Variants in MLLT3 observed in about 807,000 individuals in gnomAD.
MLLT3 encodes the protein protein AF-9.
MLLT3 carries 4 observed loss-of-function variants against 53.2 expected under a neutral mutation model. The ratio of observed to expected loss-of-function variants is 0.08; its 90% CI spans 0.04 to 0.17. The LOEUF is 0.17. Among genes scored for constraint, MLLT3 ranks in the 10% least tolerant of loss-of-function variants. The pLI, the probability that MLLT3 is intolerant of heterozygous loss-of-function variation, is 1.00. For synonymous variants in MLLT3, 283 were observed against 230.6 expected, an observed-to-expected ratio of 1.23 and a Z score of -2.06; for missense variants, 569 against 684.0, an observed-to-expected ratio of 0.83 and a Z score of 1.87.
intron 2 of MLLT3, among the ~76,000 whole-genome samples, chr9:20,480,397 C>G (rs1824631319): frequency 6.6e-6 from 1 of 152,154 alleles, no homozygotes; most frequent in African/African-American, 2.4e-5. Flanking sequence ...GGAAGGCTTC[C>G]AGTTCTGGAA....
chr9:20,379,449 T>G (rs1219599100), intron 5 of MLLT3, among the ~76,000 whole-genome samples: 1 of 152,054 alleles, frequency 6.6e-6, no homozygotes, highest in East Asian at 1.9e-4. Flanking sequence ...ATAAAGACAC[T>G]GGATTCATCA....
At chr9:20,470,139 G>A (rs1031830693) in intron 2 of MLLT3, among the ~76,000 whole-genome samples, 1 of 151,640 alleles carries the variant, frequency 6.6e-6, no homozygotes, top group African/African-American at 2.4e-5. Flanking sequence ...CTTCTAACAG[G>A]GTATTTAACT....
chr9:20,521,458 A>ATGTGTG (rs34711683), intron 2 of MLLT3, among the ~76,000 whole-genome samples: 10 of 148,636 alleles, frequency 6.7e-5, no homozygotes, highest in East Asian at 5.9e-4. Flanking sequence ...GTGTGTGTAT[A>ATGTGTG]TGTGTGTGTG....
At chr9:20,508,354 G>C (rs765632282) in intron 2 of MLLT3, among the ~76,000 whole-genome samples, 3 of 152,126 alleles carry the variant, frequency 2.0e-5, no homozygotes, top group Non-Finnish European at 4.4e-5. Context: ...TGTATCCTCA[G>C]GAGGCCCATC....
chr9:20,410,127 CA>C (rs1260735594), intron 5 of MLLT3, among the ~76,000 whole-genome samples: 1 of 151,978 alleles, frequency 6.6e-6, no homozygotes, highest in Non-Finnish European at 1.5e-5. Flanking sequence ...CTTGTGACGA[CA>C]AAATTCAGAG....
chr9:20,506,937 AG>A (rs910659606), intron 2 of MLLT3, among the ~76,000 whole-genome samples: 3 of 152,242 alleles, frequency 2.0e-5, no homozygotes, highest in African/African-American at 7.2e-5. Flanking sequence ...CTATTTAAGT[AG>A]GGGGTGGGTA....
chr9:20,514,159 G>A (rs1817839349), intron 2 of MLLT3, among the ~76,000 whole-genome samples: 4 of 152,198 alleles, frequency 2.6e-5, no homozygotes, highest in Admixed American at 2.6e-4. Context: ...CTTGCAGTAT[G>A]GAAGTGTAGG....
intron 2 of MLLT3, among the ~76,000 whole-genome samples, chr9:20,613,361 A>G (rs2131210623): frequency 6.6e-6 from 1 of 152,346 alleles, no homozygotes. Flanking sequence ...GACACAATAC[A>G]TTATTATTTG....
At position 20,359,755 on chromosome 9, in the gene MLLT3, T is replaced by C. The variant is rs78487302; in HGVS notation, c.1431+987A>G. Reference sequence around the variant, plus strand: ...AAATTGAAGGACACCTGTGAAACAGTATTTTCAGAAAAACACAGTTGTTTA... The same window carrying C: ...AAATTGAAGGACACCTGTGAAACAGCATTTTCAGAAAAACACAGTTGTTTA... On this transcript the variant is annotated intron_variant, in intron 8 of 10. Transcript: ENST00000380338. Among the ~76,000 whole-genome samples the C allele has an allele frequency of 7.6e-4, 116 of 152,304 alleles. 1 individual carries two copies. The East Asian group carries it at 0.017, about 23-fold the overall frequency.
chr9:20,361,348 T>G (rs966231105), intron 7 of MLLT3, among the ~76,000 whole-genome samples: 2 of 152,144 alleles, frequency 1.3e-5, no homozygotes, highest in Non-Finnish European at 2.9e-5. Context: ...TACAAACATG[T>G]CTAGAATACA....
rs1000153120 is a variant in MLLT3, at chr9:20,368,972, T to C, written c.1126-3228A>G. 2.0e-5 allele frequency among the ~76,000 whole-genome samples: 3 copies of C among 152,282 alleles called. No individual in the cohort carries two copies. In the East Asian group the frequency reaches 5.8e-4, roughly 29 times the overall value. On this transcript the variant is annotated intron_variant, in intron 5 of 10. Coordinates refer to ENST00000380338, the MANE Select transcript of MLLT3 (RefSeq NM_004529.4). ...CTTTAAAATGATCTAAGGCAGTGAA[T>C]CTCACACTTTGGTGGACAACAGAAT...
chr9:20,599,794 G>A (rs1462739046), intron 2 of MLLT3, among the ~76,000 whole-genome samples: 2 of 152,052 alleles, frequency 1.3e-5, no homozygotes, highest in African/African-American at 2.4e-5. Flanking sequence ...AGCAAAACAG[G>A]ACATAGAGTC....
intron 2 of MLLT3, among the ~76,000 whole-genome samples, chr9:20,607,555 G>C (rs1820600800): frequency 1.3e-5 from 2 of 152,054 alleles, no homozygotes; most frequent in African/African-American, 4.8e-5. Context: ...TATTCAAGCA[G>C]CTAATAAGAA....
chr9:20,610,296 C>G (rs1201192546), intron 2 of MLLT3, among the ~76,000 whole-genome samples: 2 of 152,008 alleles, frequency 1.3e-5, no homozygotes, highest in African/African-American at 4.8e-5. Context: ...TCTAGCTTTT[C>G]TTTTTAAGCA....
intron 2 of MLLT3, chr9:20,532,673 T>C (rs1364891881): frequency 1.5e-5 from 4 of 258,958 alleles, no homozygotes; most frequent in East Asian, 8.3e-5. Flanking sequence ...AATTTTGGCA[T>C]TGGACAGGAT....
intron 2 of MLLT3, among the ~76,000 whole-genome samples, chr9:20,546,066 G>C (rs898082575): frequency 1.3e-5 from 2 of 151,920 alleles, no homozygotes; most frequent in African/African-American, 4.8e-5. Context: ...ACAAGATTGA[G>C]ATTATTTTCA....
chr9:20,498,227 CAAAAAAAAAAAAAAAAAAAAAAAAAA>C (rs529049653), intron 2 of MLLT3, among the ~76,000 whole-genome samples: 1 of 32,480 alleles, frequency 3.1e-5, no homozygotes, highest in African/African-American at 8.0e-5. Context: ...GACGCTGTCT[CAAAAAAAAAAAAAAAAAAAAAAAAAA>C]AAAAAAAAAA....
intron 2 of MLLT3, among the ~76,000 whole-genome samples, chr9:20,479,815 A>G (rs1824617922): frequency 6.6e-6 from 1 of 152,244 alleles, no homozygotes. Context: ...AATTTGGATA[A>G]AGACCATGAA....
chr9:20,479,135 C>T (rs375313483), intron 2 of MLLT3, among the ~76,000 whole-genome samples: 3 of 152,174 alleles, frequency 2.0e-5, no homozygotes, highest in South Asian at 2.1e-4. Context: ...TTGGAAAGAA[C>T]GATTTAAAAT....
Sources: gnomAD v4.1 joint callset for allele counts (sites outside exome capture counted in the v4.1 genomes callset) on GRCh38, gnomAD v4.1.1 for gene constraint, MANE v1.5 for transcripts, NCBI Gene and HGNC (gene_info 2026-07-23, HGNC 2026-07-21) for gene names.